SPIDR: variants seen among roughly 807,000 people sequenced by gnomAD.
SPIDR encodes DNA repair-scaffolding protein.
In SPIDR, 93 loss-of-function variants were observed where a neutral mutation model predicts 104.6. That is an observed-to-expected ratio of 0.89 (90% CI 0.75 to 1.06). SPIDR has a LOEUF of 1.06. Ranked by LOEUF, SPIDR falls within the 50% of genes least tolerant of loss-of-function variation. SPIDR has a pLI of 0.00. For synonymous variants in SPIDR, 431 were observed against 416.9 expected (o/e 1.03, Z -0.41); for missense variants, 1,154 against 1,111.2 (o/e 1.04, Z -0.55).
rs527544115 is a variant in SPIDR, at chr8:47,426,074, C to G, written c.878-14249C>G. 8.3e-4 allele frequency among the ~76,000 whole-genome samples: 125 copies of G among 151,240 alleles called. 2 individuals carry two copies. In the South Asian group the frequency reaches 0.026, roughly 31 times the overall value. On this transcript the variant is annotated intron_variant, in intron 7 of 19. Transcript: ENST00000297423. Reference sequence around the variant, plus strand: ...CCTGGCCAACATGGTGAAACCCTGCCTCTACTACGATACAAAAAAAAAAAA... The same window carrying G: ...CCTGGCCAACATGGTGAAACCCTGCGTCTACTACGATACAAAAAAAAAAAA...
chr8:47,330,122 A>G (rs1244891118), intron 5 of SPIDR, among the ~76,000 whole-genome samples: 1 of 152,100 alleles, frequency 6.6e-6, no homozygotes, highest in Non-Finnish European at 1.5e-5. Flanking sequence ...GTCTGCAAGC[A>G]ATAATCAGTT....
chr8:47,631,816 T>A (rs1342048669), intron 10 of SPIDR, among the ~76,000 whole-genome samples: 1 of 152,222 alleles, frequency 6.6e-6, no homozygotes, highest in Non-Finnish European at 1.5e-5. Flanking sequence ...AGACCAACAT[T>A]GAGAATTCAG....
intron 8 of SPIDR, among the ~76,000 whole-genome samples, chr8:47,497,525 G>A (rs1396870348): frequency 6.6e-6 from 1 of 152,100 alleles, no homozygotes; most frequent in Non-Finnish European, 1.5e-5. Context: ...ATTTCTTAGT[G>A]CTGTTGATTT....
intron 5 of SPIDR, among the ~76,000 whole-genome samples, chr8:47,309,580 A>T (rs1263455165): frequency 3.9e-5 from 6 of 152,210 alleles, no homozygotes; most frequent in African/African-American, 1.4e-4. Flanking sequence ...TCTTTGCATG[A>T]ACCTTCTTCC....
chr8:47,502,021 TG>T (rs1318554673), intron 8 of SPIDR, among the ~76,000 whole-genome samples: 7 of 152,232 alleles, frequency 4.6e-5, no homozygotes, highest in Non-Finnish European at 8.8e-5. Flanking sequence ...ATAAGTTTTT[TG>T]ATGTGATGCT....
At chr8:47,334,484 C>T (rs2049331215) in intron 5 of SPIDR, among the ~76,000 whole-genome samples, 1 of 152,136 alleles carries the variant, frequency 6.6e-6, no homozygotes, top group Non-Finnish European at 1.5e-5. Context: ...TCTTCTTGGA[C>T]AATTGAATCC....
At chr8:47,337,664 G>GTCAT (rs2050021990) in intron 5 of SPIDR, among the ~76,000 whole-genome samples, 1 of 150,820 alleles carries the variant, frequency 6.6e-6, no homozygotes, top group Admixed American at 6.6e-5. Context: ...AAAAAAAAAG[G>GTCAT]TCATGAAGAT....
At chr8:47,464,687 T>C (rs2074486391) in intron 8 of SPIDR, among the ~76,000 whole-genome samples, 1 of 151,894 alleles carries the variant, frequency 6.6e-6, no homozygotes, top group Non-Finnish European at 1.5e-5. Flanking sequence ...TGTCCTGTCC[T>C]CTCCCCTCCC....
At chr8:47,466,936 GAT>G (rs1292098286) in intron 8 of SPIDR, among the ~76,000 whole-genome samples, 2 of 139,198 alleles carry the variant, frequency 1.4e-5, no homozygotes, top group Non-Finnish European at 3.1e-5. Flanking sequence ...TAGATAGATA[GAT>G]AGATAGATAG....
intron 8 of SPIDR, among the ~76,000 whole-genome samples, chr8:47,497,324 T>C (rs2079607043): frequency 6.6e-6 from 1 of 152,186 alleles, no homozygotes; most frequent in Non-Finnish European, 1.5e-5. Flanking sequence ...CTGTCTTTTT[T>C]AATACAGTCA....
intron 5 of SPIDR, among the ~76,000 whole-genome samples, chr8:47,307,670 C>G (rs2043337234): frequency 1.3e-5 from 2 of 150,932 alleles, no homozygotes; most frequent in South Asian, 2.1e-4. Context: ...TCCCTAGTAG[C>G]TGAGATTACA....
At chr8:47,511,542 G>A in intron 8 of SPIDR, 1 of 782,254 alleles carries the variant, frequency 1.3e-6, no homozygotes, top group Non-Finnish European at 2.4e-6. Flanking sequence ...ATGGGTCTCA[G>A]TAGCTTCTGA....
intron 10 of SPIDR, among the ~76,000 whole-genome samples, chr8:47,620,943 C>G (rs2065066222): frequency 6.7e-6 from 1 of 149,976 alleles, no homozygotes; most frequent in Non-Finnish European, 1.5e-5. Context: ...AAAGGGTATA[C>G]AATTCTCACT....
chr8:47,575,975 TTC>T (rs1564376153), intron 8 of SPIDR, among the ~76,000 whole-genome samples: 1 of 150,254 alleles, frequency 6.7e-6, no homozygotes, highest in African/African-American at 2.4e-5. Context: ...AAAAAAAAGT[TTC>T]TTTTTTTTTT....
At chr8:47,651,466 C>T (rs951892128) in intron 10 of SPIDR, among the ~76,000 whole-genome samples, 4 of 151,926 alleles carry the variant, frequency 2.6e-5, no homozygotes, top group Non-Finnish European at 4.4e-5. Context: ...CTGGAACGGA[C>T]GTGGTGAAAG....
chr8:47,597,268 A>G (rs995269088), intron 9 of SPIDR, among the ~76,000 whole-genome samples: 3 of 152,080 alleles, frequency 2.0e-5, no homozygotes, highest in Non-Finnish European at 4.4e-5. Context: ...CACAACGTGC[A>G]GGTTTGTTAC....
intron 8 of SPIDR, among the ~76,000 whole-genome samples, chr8:47,490,226 A>G (rs1481525971): frequency 6.6e-6 from 1 of 152,254 alleles, no homozygotes; most frequent in Non-Finnish European, 1.5e-5. Flanking sequence ...ACATTTATGC[A>G]GTCAACAGAC....
At chr8:47,604,989 C>T (rs1009724460) in intron 10 of SPIDR, among the ~76,000 whole-genome samples, 1 of 152,214 alleles carries the variant, frequency 6.6e-6, no homozygotes, top group South Asian at 2.1e-4. Context: ...TGGTGCCAAG[C>T]TCCAAAGGCA....
intron 14 of SPIDR, among the ~76,000 whole-genome samples, chr8:47,705,953 C>T (rs1329748287): frequency 6.6e-6 from 1 of 151,296 alleles, no homozygotes; most frequent in Non-Finnish European, 1.5e-5. Context: ...ATGACTAAGT[C>T]ATGAAGGTGA....
Sources: allele counts gnomAD v4.1 joint callset (sites outside exome capture counted in the v4.1 genomes callset), GRCh38; gene constraint gnomAD v4.1.1; transcripts MANE v1.5; gene names NCBI Gene and HGNC (gene_info 2026-07-23, HGNC 2026-07-21).